The following BPHL variants were observed in gnomAD, a reference collection of about 807,000 sequenced individuals.
The protein encoded by BPHL is biphenyl hydrolase like.
In BPHL, 27 loss-of-function variants were observed where a neutral mutation model predicts 31.2. The ratio of observed to expected loss-of-function variants is 0.87; its 90% confidence interval spans 0.64 to 1.19. The LOEUF (loss-of-function observed/expected upper bound fraction) is 1.19, where lower values mean the gene tolerates loss of function less well. Ranked by LOEUF, BPHL falls within the 50% of genes most tolerant of loss-of-function variation. The pLI is 0.00. For synonymous variants in BPHL, 150 were observed against 146.8 expected, an observed-to-expected ratio of 1.02 and a Z score of -0.16; for missense variants, 356 against 375.7, an observed-to-expected ratio of 0.95 and a Z score of 0.43.
chr6:3,144,286 C>G (rs1762260510), intron 6 of BPHL, among the ~76,000 whole-genome samples: 2 of 151,912 alleles, frequency 1.3e-5, no homozygotes, highest in Non-Finnish European at 2.9e-5. Context: ...CCAGGATGGT[C>G]TCAATCTCCT....
intron 6 of BPHL, among the ~76,000 whole-genome samples, chr6:3,150,330 G>A (rs1335166083): frequency 1.3e-5 from 2 of 152,180 alleles, no homozygotes; most frequent in Non-Finnish European, 2.9e-5. Flanking sequence ...CTCCAGGCGG[G>A]GCAGGAAAGG....
At chr6:3,127,885 A>G (rs1761762499) in intron 3 of BPHL, among the ~76,000 whole-genome samples, 1 of 151,734 alleles carries the variant, frequency 6.6e-6, no homozygotes, top group African/African-American at 2.4e-5. Context: ...CGGTGGCGCA[A>G]TCTTGGCTCA....
intron 3 of BPHL, among the ~76,000 whole-genome samples, chr6:3,128,818 C>A (rs1761787499): frequency 6.6e-6 from 1 of 152,230 alleles, no homozygotes. Context: ...ATGTAGTTCC[C>A]TCCTAATTCA....
chr6:3,131,827 C>T (rs879350976), intron 4 of BPHL, among the ~76,000 whole-genome samples: 1 of 152,236 alleles, frequency 6.6e-6, no homozygotes, highest in Non-Finnish European at 1.5e-5. Flanking sequence ...CATCCTCTGC[C>T]AGGGCATATT....
intron 6 of BPHL, among the ~76,000 whole-genome samples, chr6:3,141,626 A>G (rs770901485): frequency 1.3e-5 from 2 of 152,050 alleles, no homozygotes; most frequent in Admixed American, 6.5e-5. Context: ...TTGGCCTCCC[A>G]AAGTGCTGGG....
chr6:3,132,319 G>C (rs549487640), intron 4 of BPHL, among the ~76,000 whole-genome samples: 62 of 152,216 alleles, frequency 4.1e-4, no homozygotes, highest in Admixed American at 2.2e-3. Context: ...GGAAGTTCTT[G>C]CCACCGTGTT....
rs1761743598 is a variant in BPHL at position 3,127,299 on chromosome 6, C to T, written c.269C>T (p.Thr90Met). The T allele has an allele frequency of 2.5e-6, 4 of 1,605,230 alleles. No individual in the cohort carries two copies. The highest frequency in any genetic ancestry group is 1.1e-5 in the South Asian group (1 of 90,052). Residue 90 changes from threonine (T) to methionine (M), a missense_variant, in exon 3 of 7, where the codon ACG becomes ATG. Transcript: ENST00000380379. The part of the protein sequence containing the change: ...QLKNLNKKLF[T>M]VVAWDPRGYG... ...AAGAACCTCAATAAGAAGCTCTTCA[C>T]GGTGGTCGCCTGGGATCCTCGAGGC...
intron 6 of BPHL, among the ~76,000 whole-genome samples, chr6:3,143,850 C>G (rs534844404): frequency 6.6e-6 from 1 of 152,210 alleles, no homozygotes; most frequent in Non-Finnish European, 1.5e-5. Context: ...GCCAGAGGCC[C>G]GGTTCTGGGT....
In BPHL at chr6:3,152,541, A is replaced by G; in HGVS notation, c.842A>G (p.Glu281Gly). Residue 281 changes from glutamate (E) to glycine (G), a missense_variant, in exon 7 of 7, where the codon GAA becomes GGA. Glu to Gly is a moderately conservative substitution (Grantham distance 98). Transcript: ENST00000380379. ...KHNLHLRFAD[E>G]FNKLAEDFLQ ...AACCTGCATTTGCGTTTTGCAGATG[A>G]ATTCAACAAGTTAGCAGAAGACTTC... The G allele has an allele frequency of 6.2e-7, 1 of 1,613,448 alleles. No individual in the cohort carries two copies. Among genetic ancestry groups the G allele is most frequent in the Non-Finnish European group, 8.5e-7 (1 of 1,179,748 alleles).
chr6:3,125,616 T>C (rs1277937597), intron 2 of BPHL, among the ~76,000 whole-genome samples: 25 of 152,208 alleles, frequency 1.6e-4, no homozygotes, highest in Admixed American at 1.6e-3. Context: ...CTGTTCTTTT[T>C]TCCCATCTTC....
intron 6 of BPHL, among the ~76,000 whole-genome samples, chr6:3,152,051 G>A (rs727261): frequency 3.9e-5 from 6 of 152,190 alleles, no homozygotes; most frequent in Non-Finnish European, 5.9e-5. Context: ...ACATCAACAC[G>A]CCAAGAAACT....
chr6:3,134,568 C>T (rs1761958914), intron 4 of BPHL, among the ~76,000 whole-genome samples: 1 of 150,526 alleles, frequency 6.6e-6, no homozygotes, highest in Admixed American at 6.6e-5. Context: ...TCCCAAGTAG[C>T]TGGCACTACA....
upstream of BPHL, chr6:3,118,604 C>A: frequency 1.7e-6 from 1 of 581,218 alleles, no homozygotes; most frequent in Non-Finnish European, 2.5e-6. Context: ...GGCTTCGGGG[C>A]GGGGCGGGCA....
intron 6 of BPHL, among the ~76,000 whole-genome samples, chr6:3,145,949 GC>G (rs1227587552): frequency 5.3e-5 from 4 of 76,172 alleles, no homozygotes; most frequent in Admixed American, 1.1e-4. Flanking sequence ...GCTGGTTCCA[GC>G]TGGAGTGCTG....
At chr6:3,138,698 A>C (rs1195666141) in intron 5 of BPHL, 1 of 152,204 alleles carries the variant, frequency 6.6e-6, no homozygotes, top group Non-Finnish European at 1.5e-5. Context: ...AGGCCCTGGA[A>C]ATCTCTGCTC....
rs776468485 is a variant in BPHL, at chr6:3,127,393, T to C, written c.363T>C (p.Ala121=). ...TTTTTGAAAGGGATGCAAAAGATGCTGTTGATTTGATGAAGGTAGGTCTCT... is the reference window on the plus strand; with the variant it reads ...TTTTTGAAAGGGATGCAAAAGATGCCGTTGATTTGATGAAGGTAGGTCTCT... ...ADFFERDAKD[A]VDLMKALKFK... is the part of the protein sequence containing the mutation. The change falls in exon 3 of 7, where the codon GCT becomes GCC. Residue 121 remains alanine (A), a synonymous_variant. Coordinates refer to ENST00000380379, the MANE Select transcript of BPHL (RefSeq NM_004332.4). 1.9e-6 allele frequency: 3 copies of C among 1,605,054 alleles called. No individual in the cohort carries two copies. In the East Asian group the frequency reaches 6.7e-5, roughly 36 times the overall value.
intron 6 of BPHL, among the ~76,000 whole-genome samples, chr6:3,148,329 T>G (rs549053584): frequency 3.3e-5 from 5 of 152,192 alleles, no homozygotes; most frequent in Non-Finnish European, 7.4e-5. Flanking sequence ...CCTTGGCTGT[T>G]TGGGTCTGGC....
chr6:3,134,882 A>G (rs919783862), intron 4 of BPHL, among the ~76,000 whole-genome samples: 36 of 151,944 alleles, frequency 2.4e-4, no homozygotes, highest in Non-Finnish European at 7.4e-5. Context: ...GATTACAGGC[A>G]TGAACCACCG....
chr6:3,127,949 T>A (rs1426520601), intron 3 of BPHL, among the ~76,000 whole-genome samples: 1 of 152,066 alleles, frequency 6.6e-6, no homozygotes, highest in Non-Finnish European at 1.5e-5. Flanking sequence ...GCCTCCTGAG[T>A]AGCTGGGATT....
Sources: allele counts gnomAD v4.1 joint callset (sites outside exome capture counted in the v4.1 genomes callset), GRCh38; gene constraint gnomAD v4.1.1; transcripts MANE v1.5; gene names NCBI Gene and HGNC (gene_info 2026-07-23, HGNC 2026-07-21).